The following DOCK4 variants were observed in gnomAD, a reference collection of about 807,000 sequenced individuals.
The protein encoded by DOCK4 is dedicator of cytokinesis 4.
In DOCK4, 97 loss-of-function variants were observed where a neutral mutation model predicts 268.1. The ratio of observed to expected loss-of-function variants is 0.36; its 90% CI spans 0.31 to 0.43. The LOEUF is 0.43. Among genes scored for constraint, DOCK4 ranks in the 20% least tolerant of loss-of-function variants. The probability of loss-of-function intolerance (pLI) is 1.00; values close to 1 mark genes in which losing one functional copy is unlikely to be tolerated. For synonymous variants in DOCK4, 954 were observed against 887.2 expected, an observed-to-expected ratio of 1.08 and a Z score of -1.34; for missense variants, 2,145 against 2,455.7, an observed-to-expected ratio of 0.87 and a Z score of 2.67.
chr7:111,785,821 A>C (rs182736043), intron 32 of DOCK4, among the ~76,000 whole-genome samples: 1 of 152,308 alleles, frequency 6.6e-6, no homozygotes, highest in East Asian at 1.9e-4. Context: ...GGGGTTTCTC[A>C]TTGCTAATTG....
At chr7:111,794,981 G>A (rs986315870) in intron 30 of DOCK4, among the ~76,000 whole-genome samples, 1 of 152,216 alleles carries the variant, frequency 6.6e-6, no homozygotes, top group Admixed American at 6.5e-5. Flanking sequence ...GAGAGTAAAT[G>A]CAAGAAAGCC....
chr7:111,976,210 G>GCT (rs1798171079), intron 8 of DOCK4, among the ~76,000 whole-genome samples: 1 of 82,710 alleles, frequency 1.2e-5, no homozygotes, highest in African/African-American at 5.1e-5. Flanking sequence ...GCACATATGT[G>GCT]TGTGTGTGTG....
intron 23 of DOCK4, chr7:111,862,840 G>A (rs10085498): frequency 0.43 from 65,585 of 152,576 alleles, 14,551 homozygotes; most frequent in African/African-American, 0.53. Flanking sequence ...TTTTACTTGG[G>A]AGGCTGATTA....
At chr7:111,991,986 A>G (rs1209237659) in intron 5 of DOCK4, among the ~76,000 whole-genome samples, 3 of 140,938 alleles carry the variant, frequency 2.1e-5, no homozygotes, top group African/African-American at 7.9e-5. Flanking sequence ...AAAAAAAAAA[A>G]AAGTGCCTGG....
At chr7:111,813,470 G>A (rs1005293321) in intron 27 of DOCK4, among the ~76,000 whole-genome samples, 35 of 152,240 alleles carry the variant, frequency 2.3e-4, no homozygotes, top group African/African-American at 8.4e-4. Flanking sequence ...GTAAGTTGAT[G>A]GTTGAATGTG....
intron 1 of DOCK4, among the ~76,000 whole-genome samples, chr7:112,147,901 C>T (rs572464241): frequency 6.6e-5 from 10 of 150,476 alleles, no homozygotes; most frequent in African/African-American, 2.2e-4. Flanking sequence ...CATTATTCCA[C>T]CCAACTCCCT....
At chr7:112,079,001 C>A (rs1808345386) in intron 1 of DOCK4, among the ~76,000 whole-genome samples, 1 of 152,074 alleles carries the variant, frequency 6.6e-6, no homozygotes, top group Non-Finnish European at 1.5e-5. Flanking sequence ...GTGGCATGCG[C>A]CTGTAATCCC....
intron 36 of DOCK4, among the ~76,000 whole-genome samples, chr7:111,773,493 T>A (rs1798250965): frequency 6.6e-6 from 1 of 152,172 alleles, no homozygotes; most frequent in Non-Finnish European, 1.5e-5. Context: ...ATATCTGGAG[T>A]AGCTTATCCT....
intron 17 of DOCK4, among the ~76,000 whole-genome samples, chr7:111,875,726 T>G (rs1373413300): frequency 6.6e-6 from 1 of 152,106 alleles, no homozygotes; most frequent in East Asian, 1.9e-4. Context: ...CTAGGAAGGG[T>G]AAGAAAATGG....
At chr7:112,128,873 C>G (rs908673945) in intron 1 of DOCK4, among the ~76,000 whole-genome samples, 2 of 151,946 alleles carry the variant, frequency 1.3e-5, no homozygotes, top group Non-Finnish European at 2.9e-5. Flanking sequence ...ATGACCCTGC[C>G]AAATCCCCCT....
rs142920858 is a variant in DOCK4, at chr7:111,786,079, T to A, written c.3402-1956A>T. On this transcript the variant is annotated intron_variant, in intron 32 of 52. Coordinates refer to ENST00000428084, the MANE Select transcript of DOCK4 (RefSeq NM_001363540.2). ...TTAATCCAAAGAGTAGAGTTAGAGA[T>A]GTAAGGTATGGTGTCACATAGTGAA... Among the ~76,000 whole-genome samples the A allele has an allele frequency of 4.6e-5, 7 of 152,304 alleles. No homozygotes were observed. The East Asian group carries it at 1.4e-3, about 29-fold the overall frequency.
chr7:112,064,535 T>C (rs1806746312), intron 1 of DOCK4, among the ~76,000 whole-genome samples: 2 of 152,182 alleles, frequency 1.3e-5, no homozygotes, highest in Admixed American at 6.5e-5. Flanking sequence ...TTTAGGGTTA[T>C]TTCAATCCAA....
chr7:112,166,489 T>C (rs544838359), intron 1 of DOCK4, among the ~76,000 whole-genome samples: 1 of 152,216 alleles, frequency 6.6e-6, no homozygotes, highest in Admixed American at 6.5e-5. Context: ...GTAATCACTT[T>C]GGAAGACTTA....
intron 7 of DOCK4, among the ~76,000 whole-genome samples, chr7:111,978,084 GC>G (rs1436303926): frequency 6.6e-6 from 1 of 152,174 alleles, no homozygotes. Flanking sequence ...TATGTACCAA[GC>G]CCTGGGAACA....
At chr7:111,948,597 CT>C (rs111864257) in intron 8 of DOCK4, among the ~76,000 whole-genome samples, 154 of 146,322 alleles carry the variant, frequency 1.1e-3, no homozygotes, top group Non-Finnish European at 1.1e-3. Context: ...TTTTCTTCTT[CT>C]TTTTTTTTTT....
In DOCK4 at chr7:111,834,639, A is replaced by G. The variant is rs779957479; in HGVS notation, c.2784T>C (p.Asp928=). The G allele has an allele frequency of 6.4e-7, 1 of 1,558,684 alleles. No homozygotes were observed. Residue 928 remains aspartate (D), a synonymous_variant, in exon 26 of 53, where the codon GAT becomes GAC. Transcript: ENST00000428084. ...TATCAAGAAGCTGTTGATAATGTCTATCTGTCATTTGTCGTAATAGGGACA... is the reference window on the plus strand; with the variant it reads ...TATCAAGAAGCTGTTGATAATGTCTGTCTGTCATTTGTCGTAATAGGGACA... The part of the protein sequence containing the change: ...CLLSLLRQMT[D]RHYQQLLDSF...
chr7:112,163,986 C>T (rs1817367363), intron 1 of DOCK4, among the ~76,000 whole-genome samples: 1 of 152,198 alleles, frequency 6.6e-6, no homozygotes, highest in Non-Finnish European at 1.5e-5. Context: ...ACAAAACACA[C>T]ACAGACCCTA....
intron 26 of DOCK4, among the ~76,000 whole-genome samples, chr7:111,823,507 C>A (rs567449600): frequency 6.6e-6 from 1 of 152,052 alleles, no homozygotes; most frequent in African/African-American, 2.4e-5. Context: ...CAGGCCTGGC[C>A]GGTATATTGC....
chr7:111,778,458 G>A (rs899487103), intron 35 of DOCK4, 89 bp from the exon 36 acceptor site: 2 of 733,628 alleles, frequency 2.7e-6, no homozygotes, highest in Non-Finnish European at 2.2e-6. Context: ...TCCATGTCTG[G>A]AGCCAAGAGA....
Sources: gnomAD v4.1 joint callset for allele counts (sites outside exome capture counted in the v4.1 genomes callset) on GRCh38, gnomAD v4.1.1 for gene constraint, MANE v1.5 for transcripts, NCBI Gene and HGNC (gene_info 2026-07-23, HGNC 2026-07-21) for gene names.